The following MAP3K7CL variants were observed in gnomAD, a reference collection of about 807,000 sequenced individuals.
The protein encoded by MAP3K7CL is MAP3K7 C-terminal like.
A neutral mutation model predicts 18.6 loss-of-function variants in MAP3K7CL; 16 were observed. That is an observed-to-expected ratio of 0.86 (90% confidence interval 0.58 to 1.31). The LOEUF is 1.31. Ranked by LOEUF, MAP3K7CL falls within the 50% of genes most tolerant of loss-of-function variation. MAP3K7CL has a pLI of 0.00. For missense variants in MAP3K7CL, 163 were observed against 174.4 expected (o/e 0.93, Z 0.37); for synonymous variants, 65 against 66.8 (o/e 0.97, Z 0.13).
chr21:29,084,005 G>A (rs2085882616), upstream of MAP3K7CL, among the ~76,000 whole-genome samples: 1 of 146,832 alleles, frequency 6.8e-6, no homozygotes, highest in South Asian at 2.1e-4. Flanking sequence ...ACATGTATAT[G>A]TATATATTTT....
At chr21:29,137,106 A>G (rs2086902835) in intron 2 of MAP3K7CL, among the ~76,000 whole-genome samples, 1 of 152,380 alleles carries the variant, frequency 6.6e-6, no homozygotes, top group African/African-American at 2.4e-5. Flanking sequence ...CAAATTAAGC[A>G]TTCAACTTAC....
Position 29,155,062 on chromosome 21 carries a change from A to G in MAP3K7CL, c.133-4879A>G, listed in dbSNP as rs143959620. ...TCTGTAGTATAATTGATAGTGCTCA[A>G]CTTGTACTGTAATGTAGATACTATA... On this transcript the variant is annotated intron_variant, in intron 3 of 4. Coordinates refer to ENST00000399928, the MANE Select transcript of MAP3K7CL (RefSeq NM_001286620.2). Among the ~76,000 whole-genome samples the G allele has an allele frequency of 3.9e-4, 60 of 152,330 alleles. No homozygotes were observed. The East Asian group carries it at 0.011, about 27-fold the overall frequency.
At chr21:29,166,220 A>G (rs1034676631) in intron 4 of MAP3K7CL, among the ~76,000 whole-genome samples, 1 of 152,122 alleles carries the variant, frequency 6.6e-6, no homozygotes, top group Admixed American at 6.6e-5. Context: ...AATGAGATCA[A>G]CTTTTTTAGA....
At chr21:29,122,673 T>C (rs1412531817) in intron 4 of MAP3K7CL, among the ~76,000 whole-genome samples, 1 of 152,214 alleles carries the variant, frequency 6.6e-6, no homozygotes, top group African/African-American at 2.4e-5. Context: ...TCTCTACTTC[T>C]CTGCCGCTCT....
chr21:29,093,915 CT>C (rs1477997219), intron 4 of MAP3K7CL, among the ~76,000 whole-genome samples: 3 of 152,192 alleles, frequency 2.0e-5, no homozygotes, highest in Non-Finnish European at 2.9e-5. Flanking sequence ...AATTACCCTC[CT>C]TCTAGGATTA....
chr21:29,131,407 G>A (rs2086777978), intron 1 of MAP3K7CL: 1 of 152,168 alleles, frequency 6.6e-6, no homozygotes, highest in African/African-American at 2.4e-5. Flanking sequence ...AAAATGTTAA[G>A]GGAATTTTAA....
chr21:29,169,170 A>G (rs1452978046), intron 4 of MAP3K7CL, among the ~76,000 whole-genome samples: 1 of 152,172 alleles, frequency 6.6e-6, no homozygotes, highest in Non-Finnish European at 1.5e-5. Flanking sequence ...ACGACAAAGA[A>G]TTGCCTGGCC....
chr21:29,160,808 A>T (rs150410831), intron 4 of MAP3K7CL, among the ~76,000 whole-genome samples: 54 of 152,386 alleles, frequency 3.5e-4, no homozygotes, highest in South Asian at 1.4e-3. Context: ...GGTAAGTGCC[A>T]TAAAAGCACT....
intron 4 of MAP3K7CL, among the ~76,000 whole-genome samples, chr21:29,165,281 A>G (rs941884715): frequency 2.0e-5 from 3 of 152,174 alleles, no homozygotes; most frequent in Non-Finnish European, 4.4e-5. Flanking sequence ...AGAAAAATAG[A>G]CAGACTCTTA....
intron 4 of MAP3K7CL, among the ~76,000 whole-genome samples, chr21:29,167,889 TG>T (rs1211370185): frequency 6.6e-6 from 1 of 151,858 alleles, no homozygotes; most frequent in African/African-American, 2.4e-5. Flanking sequence ...TTAGTAGAGA[TG>T]GGGTTTCGCC....
chr21:29,125,971 C>A (rs1477344536), upstream of MAP3K7CL, among the ~76,000 whole-genome samples: 1 of 152,220 alleles, frequency 6.6e-6, no homozygotes, highest in East Asian at 1.9e-4. Flanking sequence ...TGTATCAGTG[C>A]TTCATAGAAA....
upstream of MAP3K7CL, chr21:29,127,624 TA>T (rs1191942950): frequency 2.6e-5 from 3 of 115,062 alleles, no homozygotes; most frequent in East Asian, 3.6e-4. Flanking sequence ...AATTTAGATG[TA>T]TTTTTTTTTG....
upstream of MAP3K7CL, among the ~76,000 whole-genome samples, chr21:29,127,071 G>C (rs2086693930): frequency 6.6e-6 from 1 of 152,166 alleles, no homozygotes; most frequent in African/African-American, 2.4e-5. Context: ...CTAGTAATCA[G>C]GTACTTTTGA....
At chr21:29,095,475 C>T (rs2086106787) in intron 4 of MAP3K7CL, among the ~76,000 whole-genome samples, 1 of 152,174 alleles carries the variant, frequency 6.6e-6, no homozygotes, top group African/African-American at 2.4e-5. Flanking sequence ...CCTCTTTTGC[C>T]TCTTGCCCGC....
chr21:29,118,380 C>CT, intron 4 of MAP3K7CL, among the ~76,000 whole-genome samples: 1 of 146,686 alleles, frequency 6.8e-6, no homozygotes, highest in Admixed American at 6.7e-5. Context: ...GTGTCCCTGA[C>CT]TTTTATGGGT....
intron 4 of MAP3K7CL, among the ~76,000 whole-genome samples, chr21:29,107,352 T>C (rs1436216037): frequency 2.0e-5 from 3 of 151,980 alleles, no homozygotes; most frequent in Non-Finnish European, 2.9e-5. Context: ...GTCTGACTTA[T>C]AAAGAAAATT....
intron 3 of MAP3K7CL, among the ~76,000 whole-genome samples, chr21:29,153,887 G>A (rs1347791941): frequency 1.3e-5 from 2 of 152,182 alleles, no homozygotes; most frequent in Non-Finnish European, 2.9e-5. Flanking sequence ...TATGTTTTTG[G>A]AACCATGATT....
chr21:29,115,193 C>T (rs1381099605), intron 4 of MAP3K7CL, among the ~76,000 whole-genome samples: 1 of 152,186 alleles, frequency 6.6e-6, no homozygotes, highest in Non-Finnish European at 1.5e-5. Context: ...CTCCTAAAAA[C>T]TCTAATTTGA....
intron 2 of MAP3K7CL, among the ~76,000 whole-genome samples, chr21:29,146,883 A>T (rs1394666213): frequency 6.6e-6 from 1 of 152,174 alleles, no homozygotes. Flanking sequence ...CTTTTTGGTG[A>T]TTATCTTCGA....
Sources: gnomAD v4.1 joint callset for allele counts (sites outside exome capture counted in the v4.1 genomes callset) on GRCh38, gnomAD v4.1.1 for gene constraint, MANE v1.5 for transcripts, NCBI Gene and HGNC (gene_info 2026-07-23, HGNC 2026-07-21) for gene names.